Variants in DPP10 observed in about 807,000 individuals in gnomAD.
The protein encoded by DPP10 is inactive dipeptidyl peptidase 10.
Under a neutral mutation model 120.9 loss-of-function variants are expected in DPP10, and 33 were observed. The ratio of observed to expected loss-of-function variants is 0.27; its 90% CI spans 0.21 to 0.37. The LOEUF is 0.37. DPP10 is among the 10% of genes least tolerant of loss of function. DPP10 has a pLI of 1.00. For missense variants in DPP10, 816 were observed against 942.8 expected, an observed-to-expected ratio of 0.87 and a Z score of 1.76; for synonymous variants, 337 against 326.1, an observed-to-expected ratio of 1.03 and a Z score of -0.36.
intron 3 of DPP10, among the ~76,000 whole-genome samples, chr2:115,495,365 G>GAAAAAAA (rs3039998): frequency 0.016 from 1,339 of 82,144 alleles, 87 homozygotes; most frequent in African/African-American, 0.048. Flanking sequence ...GCCATTTTCT[G>GAAAAAAA]AAAAAAAAAA....
At chr2:115,476,771 A>G (rs1182025732) in intron 3 of DPP10, among the ~76,000 whole-genome samples, 1 of 152,192 alleles carries the variant, frequency 6.6e-6, no homozygotes, top group African/African-American at 2.4e-5. Context: ...AATACTCAAC[A>G]AAATACTAAC....
At chr2:115,814,027 G>A (rs748760368) in intron 19 of DPP10, among the ~76,000 whole-genome samples, 7 of 152,038 alleles carry the variant, frequency 4.6e-5, no homozygotes, top group African/African-American at 9.7e-5. Context: ...TACTTTTTCT[G>A]TATTCTAGAA....
chr2:114,658,814 G>A (rs1697165302), intron 1 of DPP10, among the ~76,000 whole-genome samples: 1 of 152,290 alleles, frequency 6.6e-6, no homozygotes, highest in East Asian at 1.9e-4. Context: ...AGCATACACT[G>A]ATTGATGTCA....
At chr2:115,679,454 T>A in intron 5 of DPP10, among the ~76,000 whole-genome samples, 1 of 152,184 alleles carries the variant, frequency 6.6e-6, no homozygotes, top group East Asian at 1.9e-4. Context: ...TGCTTCCCTT[T>A]CCACCATGTT....
chr2:115,764,797 TAG>T (rs749561932), intron 12 of DPP10, among the ~76,000 whole-genome samples: 42 of 152,244 alleles, frequency 2.8e-4, no homozygotes, highest in Middle Eastern at 3.4e-3. Context: ...ATGAAATACT[TAG>T]AGTTATATGA....
chr2:115,461,806 A>T (rs1013178437), intron 3 of DPP10, among the ~76,000 whole-genome samples: 4 of 152,166 alleles, frequency 2.6e-5, no homozygotes, highest in Non-Finnish European at 5.9e-5. Context: ...GCAGTTACAG[A>T]TTATTTTCCC....
At chr2:114,775,806 A>G (rs1470244942) in intron 1 of DPP10, among the ~76,000 whole-genome samples, 1 of 152,214 alleles carries the variant, frequency 6.6e-6, no homozygotes, top group Non-Finnish European at 1.5e-5. Context: ...ATGCATAAAT[A>G]TATCTTGAGT....
intron 1 of DPP10, among the ~76,000 whole-genome samples, chr2:115,201,746 G>GC (rs2055741250): frequency 1.3e-5 from 2 of 152,078 alleles, no homozygotes; most frequent in South Asian, 2.1e-4. Flanking sequence ...TGTGCTCCCA[G>GC]CCCCTCCTTC....
intron 1 of DPP10, among the ~76,000 whole-genome samples, chr2:114,814,391 T>C (rs750439744): frequency 3.9e-5 from 6 of 152,054 alleles, no homozygotes; most frequent in Non-Finnish European, 5.9e-5. Context: ...TTTCTGGATC[T>C]TAGGCTTTTT....
chr2:114,543,906 T>A (rs1490038971), intron 1 of DPP10, among the ~76,000 whole-genome samples: 1 of 152,054 alleles, frequency 6.6e-6, no homozygotes, highest in South Asian at 2.1e-4. Context: ...TTGTTTTTGT[T>A]TGTTTGTTTA....
At chr2:115,204,784 C>T (rs888281665) in intron 1 of DPP10, among the ~76,000 whole-genome samples, 4 of 152,148 alleles carry the variant, frequency 2.6e-5, no homozygotes, top group Non-Finnish European at 5.9e-5. Context: ...TTTTTAATAA[C>T]AGCCATTCTG....
At chr2:114,765,016 T>C (rs929370230) in intron 1 of DPP10, among the ~76,000 whole-genome samples, 3 of 152,108 alleles carry the variant, frequency 2.0e-5, no homozygotes, top group Non-Finnish European at 4.4e-5. Flanking sequence ...TGAATGAACA[T>C]GGTTTCAAAT....
chr2:114,756,395 T>A (rs1679751219), intron 1 of DPP10, among the ~76,000 whole-genome samples: 1 of 152,176 alleles, frequency 6.6e-6, no homozygotes. Context: ...GATCCAAGGA[T>A]GTTTGGTTGG....
chr2:115,154,659 AT>A (rs897048006), intron 1 of DPP10, among the ~76,000 whole-genome samples: 8 of 151,308 alleles, frequency 5.3e-5, no homozygotes, highest in Non-Finnish European at 1.2e-4. Flanking sequence ...GTGAATAAAG[AT>A]TTTTTTTTCA....
At chr2:114,467,845 CA>C (rs1290204822) in intron 1 of DPP10, among the ~76,000 whole-genome samples, 2 of 151,822 alleles carry the variant, frequency 1.3e-5, no homozygotes, top group Non-Finnish European at 2.9e-5. Context: ...CAAAACAAAA[CA>C]AAACAAAACA....
intron 3 of DPP10, among the ~76,000 whole-genome samples, chr2:115,460,872 G>A (rs1230222811): frequency 1.3e-5 from 2 of 152,200 alleles, no homozygotes; most frequent in African/African-American, 2.4e-5. Context: ...CTATGGCAAA[G>A]TCTATTTTGT....
intron 5 of DPP10, among the ~76,000 whole-genome samples, chr2:115,661,699 A>T (rs1042539966): frequency 6.6e-6 from 1 of 152,180 alleles, no homozygotes; most frequent in Non-Finnish European, 1.5e-5. Context: ...TCAGCTGCCC[A>T]CACCTTTCAT....
intron 1 of DPP10, among the ~76,000 whole-genome samples, chr2:115,251,921 C>T (rs891873404): frequency 3.3e-5 from 5 of 152,168 alleles, no homozygotes; most frequent in African/African-American, 1.2e-4. Context: ...TTTCTCTGGG[C>T]AGCCCCACCT....
intron 1 of DPP10, among the ~76,000 whole-genome samples, chr2:114,692,772 G>A (rs533846335): frequency 2.0e-5 from 3 of 152,158 alleles, no homozygotes; most frequent in African/African-American, 7.2e-5. Context: ...CCTGTATTGG[G>A]TGCATATATA....
Sources: allele counts gnomAD v4.1 joint callset (sites outside exome capture counted in the v4.1 genomes callset), GRCh38; gene constraint gnomAD v4.1.1; transcripts MANE v1.5; gene names NCBI Gene and HGNC (gene_info 2026-07-23, HGNC 2026-07-21).